Variants in KIRREL1 observed in about 807,000 individuals in gnomAD.
KIRREL1 encodes the protein kirre like nephrin family adhesion molecule 1, also known as kin of IRRE-like protein 1.
KIRREL1 carries 25 observed loss-of-function variants against 83.3 expected under a neutral mutation model. The observed-to-expected ratio is 0.30, with a 90% confidence interval of 0.22 to 0.42. The LOEUF (loss-of-function observed/expected upper bound fraction) is 0.42, where lower values mean the gene tolerates loss of function less well. Among genes scored for constraint, KIRREL1 ranks in the 10% least tolerant of loss-of-function variants. KIRREL1 has a pLI of 1.00. For missense variants in KIRREL1, 812 were observed against 1,032.3 expected (o/e 0.79, Z 2.92); for synonymous variants, 388 against 410.4 (o/e 0.95, Z 0.66).
At chr1:158,044,027 C>A (rs1043305960) in intron 1 of KIRREL1, among the ~76,000 whole-genome samples, 1 of 152,194 alleles carries the variant, frequency 6.6e-6, no homozygotes, top group Non-Finnish European at 1.5e-5. Flanking sequence ...CATAAAAGAA[C>A]AAGCTCGGTG....
intron 1 of KIRREL1, among the ~76,000 whole-genome samples, chr1:158,058,004 T>C (rs2101601281): frequency 6.6e-6 from 1 of 152,330 alleles, no homozygotes; most frequent in South Asian, 2.1e-4. Context: ...TGTAATTGCC[T>C]TCCAGTTGAT....
At chr1:158,023,029 T>C (rs777768144) in intron 1 of KIRREL1, among the ~76,000 whole-genome samples, 1 of 152,150 alleles carries the variant, frequency 6.6e-6, no homozygotes, top group Non-Finnish European at 1.5e-5. Flanking sequence ...GCCCCTGTTT[T>C]CTCCTCTCCA....
intron 8 of KIRREL1, among the ~76,000 whole-genome samples, chr1:158,089,032 T>G (rs1443455205): frequency 6.6e-6 from 1 of 151,852 alleles, no homozygotes; most frequent in Non-Finnish European, 1.5e-5. Context: ...GCGGGCCTAC[T>G]GCAGTGGTAA....
chr1:158,014,446 C>T (rs559262239), intron 1 of KIRREL1, among the ~76,000 whole-genome samples: 3 of 152,200 alleles, frequency 2.0e-5, no homozygotes, highest in Non-Finnish European at 4.4e-5. Context: ...GCCCATTGTC[C>T]GGGACTCTGC....
chr1:158,018,621 G>A (rs950237623), intron 1 of KIRREL1, among the ~76,000 whole-genome samples: 4 of 152,182 alleles, frequency 2.6e-5, no homozygotes, highest in African/African-American at 9.7e-5. Context: ...GTAGCATGGG[G>A]CATTATTGAA....
At chr1:158,019,352 T>G (rs1571541168) in intron 1 of KIRREL1, among the ~76,000 whole-genome samples, 1 of 152,236 alleles carries the variant, frequency 6.6e-6, no homozygotes, top group East Asian at 1.9e-4. Flanking sequence ...ACCAGATGGA[T>G]TCTGGAAGGA....
chr1:158,008,036 C>T (rs924935828), intron 1 of KIRREL1, among the ~76,000 whole-genome samples: 4 of 152,156 alleles, frequency 2.6e-5, no homozygotes, highest in Non-Finnish European at 5.9e-5. Flanking sequence ...GCCCCCCTCT[C>T]GCCCTCCTTT....
intron 1 of KIRREL1, among the ~76,000 whole-genome samples, chr1:157,997,880 G>T (rs1339167351): frequency 1.3e-5 from 2 of 152,148 alleles, no homozygotes; most frequent in Non-Finnish European, 2.9e-5. Context: ...GAGAAACTGA[G>T]ATTTATTTAT....
chr1:157,993,856 C>G (rs991868589), intron 1 of KIRREL1, 128 bp downstream of exon 1: 2 of 513,386 alleles, frequency 3.9e-6, no homozygotes, highest in African/African-American at 2.0e-5. Flanking sequence ...CGCCACGAGG[C>G]GGGGGCTCGG....
intron 1 of KIRREL1, among the ~76,000 whole-genome samples, chr1:158,041,695 C>A (rs189234080): frequency 4.1e-4 from 63 of 152,286 alleles, no homozygotes; most frequent in African/African-American, 1.5e-3. Context: ...CAGTCCTCTC[C>A]CAAAAGAACC....
At position 158,093,340 on chromosome 1, in the gene KIRREL1, G is replaced by C. The variant is rs907731090; in HGVS notation, c.1473G>C (p.Glu491Asp). The change falls in exon 12 of 15, where the codon GAG becomes GAC. Residue 491 changes from glutamate to aspartate, a missense_variant and splice_region_variant. Transcript: ENST00000359209. ...GTAIIQLEER[E>D]VLPVGIIAGA... Reference sequence around the variant, plus strand: ...CCACCTTTCCTTCCCCATCGAAAGAGGTGTTACCTGTGGGCATCATAGCTG... The same window carrying C: ...CCACCTTTCCTTCCCCATCGAAAGACGTGTTACCTGTGGGCATCATAGCTG... The C allele has an allele frequency of 1.1e-5, 18 of 1,613,380 alleles. No individual in the cohort carries two copies. Among genetic ancestry groups the C allele is most frequent in the Non-Finnish European group, 1.2e-5 (14 of 1,179,386 alleles).
chr1:158,041,501 G>T (rs1200436044), intron 1 of KIRREL1, among the ~76,000 whole-genome samples: 1 of 152,198 alleles, frequency 6.6e-6, no homozygotes, highest in East Asian at 1.9e-4. Flanking sequence ...CTCTGAAGGT[G>T]CTGAGGCTTG....
intron 1 of KIRREL1, among the ~76,000 whole-genome samples, chr1:158,035,806 G>T (rs1660460966): frequency 6.6e-6 from 1 of 152,160 alleles, no homozygotes; most frequent in Admixed American, 6.5e-5. Flanking sequence ...TTGGATGTTT[G>T]GGTGATTTTA....
At chr1:157,994,104 A>C (rs1182749327) in intron 1 of KIRREL1, among the ~76,000 whole-genome samples, 1 of 152,176 alleles carries the variant, frequency 6.6e-6, no homozygotes, top group Non-Finnish European at 1.5e-5. Context: ...GTCCAGCCTA[A>C]GGGCAAGGCT....
intron 1 of KIRREL1, among the ~76,000 whole-genome samples, chr1:158,041,238 T>C: frequency 6.6e-6 from 1 of 152,160 alleles, no homozygotes; most frequent in East Asian, 1.9e-4. Context: ...TAATAAAAGA[T>C]GCTGTGGACA....
rs1007075644 is a variant in KIRREL1, at chr1:158,095,089, G to A, written c.2243G>A (p.Arg748Gln). The A allele has an allele frequency of 3.1e-6, 5 of 1,607,514 alleles. No homozygotes were observed. Among genetic ancestry groups the A allele is most frequent in the East Asian group, 2.2e-5 (1 of 44,740 alleles). Residue 748 changes from arginine (R) to glutamine (Q), a missense_variant, in exon 15 of 15, where the codon CGA becomes CAA. Coordinates refer to ENST00000359209, the MANE Select transcript of KIRREL1 (RefSeq NM_018240.7). ...TCCCAGCACTCGGACTACGGCCAGCGATTCCAGCAGCGCATGCAGACTCAC... is the reference window on the plus strand; with the variant it reads ...TCCCAGCACTCGGACTACGGCCAGCAATTCCAGCAGCGCATGCAGACTCAC... ...YTSQHSDYGQRFQQRMQTHV is the reference protein window; with the variant it reads ...YTSQHSDYGQQFQQRMQTHV
chr1:158,002,908 C>G (rs1659407112), intron 1 of KIRREL1, among the ~76,000 whole-genome samples: 1 of 152,022 alleles, frequency 6.6e-6, no homozygotes, highest in African/African-American at 2.4e-5. Context: ...CTGGTCCCTC[C>G]CAAGGATTAT....
Position 158,094,249 on chromosome 1 carries a change from G to A in KIRREL1, c.1720-64G>A. ...AGGTGGCCTCTGAGCGTGGGGAGGGGTTGGTGAGGGGCGAAAAGAGCAGGG... is the reference window on the plus strand; with the variant it reads ...AGGTGGCCTCTGAGCGTGGGGAGGGATTGGTGAGGGGCGAAAAGAGCAGGG... On this transcript the variant is annotated intron_variant, in intron 13 of 14. Transcript: ENST00000359209. The surrounding 1 kb of genome is among the most constrained non-coding windows in gnomAD (Gnocchi z 4.6). 7.0e-7 allele frequency: 1 copy of A among 1,435,596 alleles called. No individual in the cohort carries two copies. Among genetic ancestry groups the A allele is most frequent in the Non-Finnish European group, 9.6e-7 (1 of 1,038,698 alleles). 88.9% of individuals were successfully genotyped at this position (1,435,596 alleles called of 1,614,324 possible).
At chr1:158,009,194 T>G (rs1659602952) in intron 1 of KIRREL1, among the ~76,000 whole-genome samples, 1 of 152,184 alleles carries the variant, frequency 6.6e-6, no homozygotes. Context: ...CTTCTTCAGG[T>G]CCCCGAGAAG....
Sources: gnomAD v4.1 joint callset for allele counts (sites outside exome capture counted in the v4.1 genomes callset) on GRCh38, gnomAD v4.1.1 for gene constraint, Gnocchi (gnomAD v3.1) non-coding constraint, MANE v1.5 for transcripts, NCBI Gene and HGNC (gene_info 2026-07-23, HGNC 2026-07-21) for gene names.